ANKRD17: variants seen among roughly 807,000 people sequenced by gnomAD.
ANKRD17 encodes ankyrin repeat domain-containing protein 17.
In ANKRD17, 19 loss-of-function variants were observed where a neutral mutation model predicts 229.7. The observed-to-expected ratio is 0.08, with a 90% CI of 0.06 to 0.12. ANKRD17 has a LOEUF of 0.12. ANKRD17 is among the 10% of genes least tolerant of loss of function. The pLI is 1.00. For missense variants in ANKRD17, 2,176 were observed against 3,176.8 expected (o/e 0.68, Z 7.57); for synonymous variants, 1,112 against 1,146.1 (o/e 0.97, Z 0.60).
At chr4:73,086,058 T>C (rs1722089880) in intron 29 of ANKRD17, among the ~76,000 whole-genome samples, 1 of 152,148 alleles carries the variant, frequency 6.6e-6, no homozygotes, top group Non-Finnish European at 1.5e-5. Flanking sequence ...TACTCTTAAA[T>C]TCAAATTATA....
At chr4:73,185,057 G>A (rs986597936) in intron 1 of ANKRD17, among the ~76,000 whole-genome samples, 1 of 151,790 alleles carries the variant, frequency 6.6e-6, no homozygotes, top group Non-Finnish European at 1.5e-5. Flanking sequence ...GGTGAAGATG[G>A]AAAAAAGGGC....
chr4:73,198,065 CA>C (rs1404487325), intron 1 of ANKRD17, among the ~76,000 whole-genome samples: 1 of 152,084 alleles, frequency 6.6e-6, no homozygotes, highest in Non-Finnish European at 1.5e-5. Context: ...TCCATACATA[CA>C]ATCTAAAAAC....
At chr4:73,114,032 GA>G (rs1371753232) in intron 23 of ANKRD17, 124 bp from the exon 24 acceptor site, 30 of 605,848 alleles carry the variant, frequency 5.0e-5, no homozygotes, top group South Asian at 1.5e-4. Flanking sequence ...ATGAAAGGGG[GA>G]AAAAAGGTGT....
chr4:73,208,117 A>G (rs868579635), intron 1 of ANKRD17, among the ~76,000 whole-genome samples: 44 of 132,002 alleles, frequency 3.3e-4, no homozygotes, highest in African/African-American at 1.2e-3. Context: ...TGAGCCCGGG[A>G]GGCGGAGCTT....
At chr4:73,081,358 AAG>A (rs371917704) in intron 30 of ANKRD17, among the ~76,000 whole-genome samples, 19 of 147,612 alleles carry the variant, frequency 1.3e-4, no homozygotes, top group East Asian at 1.9e-4. Flanking sequence ...CAAATCCTCT[AAG>A]AGAGAGAGAG....
At chr4:73,161,431 G>A (rs1359848389) in intron 2 of ANKRD17, 83 bp from the exon 3 acceptor site, 12 of 1,395,658 alleles carry the variant, frequency 8.6e-6, no homozygotes, top group East Asian at 4.6e-5. Flanking sequence ...GCTATACTGT[G>A]TATGTTAACA....
At chr4:73,162,414 A>G (rs79143277) in intron 2 of ANKRD17, among the ~76,000 whole-genome samples, 3,780 of 151,972 alleles carry the variant, frequency 0.025, 202 homozygotes, top group Admixed American at 0.13. Flanking sequence ...AGGGTAGTTT[A>G]GATCTCCTAG....
chr4:73,101,072 T>C, intron 25 of ANKRD17: 1 of 858,150 alleles, frequency 1.2e-6, no homozygotes, highest in Non-Finnish European at 1.4e-6. Flanking sequence ...ATTTAAAGTA[T>C]ATGGGAGAAT....
At chr4:73,108,283 T>C (rs1444321991) in intron 24 of ANKRD17, among the ~76,000 whole-genome samples, 1 of 152,166 alleles carries the variant, frequency 6.6e-6, no homozygotes, top group Non-Finnish European at 1.5e-5. Flanking sequence ...AAGTGTGAGA[T>C]GCCTAATAAG....
chr4:73,082,853 T>C (rs958966741), intron 30 of ANKRD17, among the ~76,000 whole-genome samples: 8 of 152,164 alleles, frequency 5.3e-5, no homozygotes, highest in African/African-American at 1.9e-4. Context: ...AATAAAGTTA[T>C]TGAGATAACT....
chr4:73,121,489 C>CT (rs1726712904), intron 19 of ANKRD17, 128 bp downstream of exon 19: 3 of 1,161,266 alleles, frequency 2.6e-6, no homozygotes, highest in South Asian at 2.7e-5. Context: ...TCAAAAATCT[C>CT]TAACACTTTG....
At chr4:73,187,621 GC>G (rs1206306143) in intron 1 of ANKRD17, among the ~76,000 whole-genome samples, 1 of 152,132 alleles carries the variant, frequency 6.6e-6, no homozygotes, top group African/African-American at 2.4e-5. Context: ...CTGTAAGGAG[GC>G]CTTTGAGCAC....
intron 26 of ANKRD17, among the ~76,000 whole-genome samples, chr4:73,097,849 A>C (rs1015787551): frequency 2.8e-5 from 4 of 141,820 alleles, no homozygotes; most frequent in Non-Finnish European, 6.0e-5. Flanking sequence ...GCTAAGTTTA[A>C]CAACCAAAAA....
Position 73,153,933 on chromosome 4 carries a change from T to C in ANKRD17, c.1181A>G (p.Asn394Ser). The change falls in exon 6 of 34, where the codon AAT becomes AGT. Residue 394 changes from asparagine (N) to serine (S), a missense_variant. This residue lies in a region of ANKRD17 where 184 missense variants were observed against 357.8 expected (regional missense o/e 0.51). Coordinates refer to ENST00000358602, the MANE Select transcript of ANKRD17 (RefSeq NM_032217.5). ...CTCTTTAAATTCATTAGAATGCGTA[T>C]TAATGCCAGCCCCATTTTCTAGCAG... ...RLLLENGAGI[N>S]THSNEFKESA... The C allele has an allele frequency of 6.2e-7, 1 of 1,611,588 alleles. No individual in the cohort carries two copies. Among genetic ancestry groups the C allele is most frequent in the Non-Finnish European group, 8.5e-7 (1 of 1,178,772 alleles).
In ANKRD17 at chr4:73,076,109, A is replaced by G; in HGVS notation, c.*122T>C. ...GGTCAGTTAGTAAGATCTTCTGCAA[A>G]AAGCCTACACACTTCAGTCAAGCAC... On this transcript the variant is annotated 3_prime_UTR_variant, in exon 34 of 34. Coordinates refer to ENST00000358602, the MANE Select transcript of ANKRD17 (RefSeq NM_032217.5). 1.5e-6 allele frequency: 1 copy of G among 683,344 alleles called. No homozygotes were observed. Among genetic ancestry groups the G allele is most frequent in the Non-Finnish European group, 2.2e-6 (1 of 449,496 alleles). 42.3% of individuals were successfully genotyped at this position (683,344 alleles called of 1,614,324 possible).
intron 22 of ANKRD17, 97 bp from the exon 23 acceptor site, chr4:73,116,013 A>G: frequency 2.1e-6 from 2 of 967,852 alleles, no homozygotes; most frequent in Non-Finnish European, 1.6e-6. Flanking sequence ...TAGGGCCACA[A>G]AGTAAAGACT....
rs1274101867 is a variant in ANKRD17, at chr4:73,139,780, C to A, written c.2836G>T (p.Ala946Ser). 2 of 1,614,202 alleles carry A rather than the reference C, an allele frequency of 1.2e-6. No individual in the cohort carries two copies. Among genetic ancestry groups the A allele is most frequent in the Admixed American group, 3.3e-5 (2 of 60,030 alleles). ...LLKDEPQQTA[A>S]QMGFAPIQPL... The stretch of plus-strand genomic sequence containing the variant: ...TGGATTGGCGCAAAACCCATCTGAG[C>A]AGCAGTCTGCTGGGGTTCATCTTTA... The change falls in exon 15 of 34, where the codon GCT (alanine) becomes TCT (serine). Residue 946 changes from alanine to serine, a missense_variant. Transcript: ENST00000358602.
chr4:73,079,181 T>G (rs1288394645), intron 30 of ANKRD17, among the ~76,000 whole-genome samples: 1 of 152,016 alleles, frequency 6.6e-6, no homozygotes, highest in Non-Finnish European at 1.5e-5. Flanking sequence ...TAGCAAGCAA[T>G]AAGACATTTA....
intron 1 of ANKRD17, among the ~76,000 whole-genome samples, chr4:73,252,680 A>AT (rs369323509): frequency 0.031 from 4,665 of 150,066 alleles, 115 homozygotes; most frequent in African/African-American, 0.056. Context: ...TAAAAGAAAC[A>AT]TTTTTTTTTT....
Sources: allele counts gnomAD v4.1 joint callset (sites outside exome capture counted in the v4.1 genomes callset), GRCh38; gene constraint gnomAD v4.1.1; regional missense constraint gnomAD v4.1.1; transcripts MANE v1.5; gene names NCBI Gene and HGNC (gene_info 2026-07-23, HGNC 2026-07-21).